CYSLTR2: variants seen among roughly 807,000 people sequenced by gnomAD.
CYSLTR2 encodes the protein G-protein coupled receptor GPCR21.
For missense variants in CYSLTR2, 398 were observed against 411.9 expected (o/e 0.97, Z 0.29); for synonymous variants, 179 against 160.8 (o/e 1.11, Z -0.86).
chr13:48,673,061 C>T (rs1316285183), intron 1 of CYSLTR2, among the ~76,000 whole-genome samples: 1 of 152,164 alleles, frequency 6.6e-6, no homozygotes, highest in East Asian at 1.9e-4. Flanking sequence ...CAATGTGGTG[C>T]TGAGAAGAAT....
At chr13:48,680,918 T>A (rs1416929786) in intron 1 of CYSLTR2, among the ~76,000 whole-genome samples, 1 of 151,298 alleles carries the variant, frequency 6.6e-6, no homozygotes, top group Admixed American at 6.6e-5. Context: ...CAAGAGAAAG[T>A]GTCGAACTAA....
chr13:48,707,246 C>T lies in CYSLTR2; in HGVS notation c.429C>T (p.Pro143=). The T allele has an allele frequency of 6.2e-7, 1 of 1,614,064 alleles. No individual in the cohort carries two copies. Among genetic ancestry groups the T allele is most frequent in the Non-Finnish European group, 8.5e-7 (1 of 1,180,032 alleles). The change falls in exon 5 of 5, where the codon CCC becomes CCT. Residue 143 remains proline (P), a synonymous_variant. Transcript: ENST00000682523. Reference sequence around the variant, plus strand: ...TGCGTTTCCTGGCAATGGTTCACCCCTTTCGGCTTCTGCATGTCACCAGCA... The same window carrying T: ...TGCGTTTCCTGGCAATGGTTCACCCTTTTCGGCTTCTGCATGTCACCAGCA... ...SVVRFLAMVH[P]FRLLHVTSIR...
chr13:48,664,237 T>C (rs916097446), intron 1 of CYSLTR2, among the ~76,000 whole-genome samples: 2 of 152,028 alleles, frequency 1.3e-5, no homozygotes, highest in African/African-American at 4.8e-5. Flanking sequence ...GTATTTTGTT[T>C]GGCATTTTTG....
chr13:48,676,061 C>T (rs1308084787), intron 1 of CYSLTR2, among the ~76,000 whole-genome samples: 2 of 152,236 alleles, frequency 1.3e-5, no homozygotes, highest in Admixed American at 6.5e-5. Flanking sequence ...ATTGGTCTTA[C>T]TGGGAGCTGC....
chr13:48,695,326 T>C (rs1181456757), intron 3 of CYSLTR2, among the ~76,000 whole-genome samples: 2 of 151,528 alleles, frequency 1.3e-5, no homozygotes, highest in Non-Finnish European at 2.9e-5. Context: ...TCTTTTTCTT[T>C]TCTTTCTCTT....
At chr13:48,679,381 T>TC (rs1313539014) in intron 1 of CYSLTR2, among the ~76,000 whole-genome samples, 1 of 152,104 alleles carries the variant, frequency 6.6e-6, no homozygotes, top group East Asian at 1.9e-4. Context: ...CCCCAGAGGT[T>TC]CTTTTTGGTC....
intron 1 of CYSLTR2, among the ~76,000 whole-genome samples, chr13:48,681,509 G>A (rs1039284030): frequency 6.6e-6 from 1 of 152,136 alleles, no homozygotes; most frequent in African/African-American, 2.4e-5. Flanking sequence ...CTTCCCCAAT[G>A]AGGTCTGCCT....
intron 1 of CYSLTR2, among the ~76,000 whole-genome samples, chr13:48,658,378 C>T (rs890754487): frequency 1.2e-4 from 19 of 152,200 alleles, no homozygotes; most frequent in African/African-American, 4.3e-4. Flanking sequence ...TCTTTCCCGC[C>T]CCCCAAAAAG....
chr13:48,685,200 G>C (rs1442792440), intron 1 of CYSLTR2, among the ~76,000 whole-genome samples: 1 of 152,212 alleles, frequency 6.6e-6, no homozygotes, highest in Non-Finnish European at 1.5e-5. Context: ...AGCAGGAGCA[G>C]TTGTCTTACA....
In CYSLTR2 at chr13:48,665,590, C is replaced by T. The variant is rs184095380; in HGVS notation, c.-266+11573C>T. On this transcript the variant is annotated intron_variant, in intron 1 of 4. Transcript: ENST00000682523. ...CTTCTTTTCTCTTTTTACAGCTTAA[C>T]CCAAAGTCTGTTTTGTCTGATATAA... 1.3e-4 allele frequency among the ~76,000 whole-genome samples: 20 copies of T among 152,098 alleles called. No homozygotes were observed. The East Asian group carries it at 3.5e-3, about 26-fold the overall frequency.
chr13:48,697,821 A>C (rs2036752549), intron 4 of CYSLTR2, among the ~76,000 whole-genome samples: 1 of 152,226 alleles, frequency 6.6e-6, no homozygotes, highest in African/African-American at 2.4e-5. Context: ...AGAAGTCCTT[A>C]AATGACCTGA....
rs149928445 is a variant in CYSLTR2 at position 48,687,262 on chromosome 13, C to A, written c.-265-3950C>A. On this transcript the variant is annotated intron_variant, in intron 1 of 4. Transcript: ENST00000682523. ...TTAGCATTCCAGGGTCTCTATCTTGCCGACGGCCTGTTGTGGGACTTCTCA... is the reference window on the plus strand; with the variant it reads ...TTAGCATTCCAGGGTCTCTATCTTGACGACGGCCTGTTGTGGGACTTCTCA... Among the ~76,000 whole-genome samples, 349 of 152,176 alleles carry A rather than the reference C, an allele frequency of 2.3e-3. 2 individuals are homozygous for A. The highest frequency in any genetic ancestry group is 7.2e-3 in the African/African-American group (300 of 41,516).
At position 48,707,646 on chromosome 13, in the gene CYSLTR2, G is replaced by C; in HGVS notation, c.829G>C (p.Gly277Arg). ...RTVHLTTWKV[G>R]LCKDRLHKAL... Reference sequence around the variant, plus strand: ...CGTCCACTTGACGACATGGAAAGTGGGTTTATGCAAAGACAGACTGCATAA... The same window carrying C: ...CGTCCACTTGACGACATGGAAAGTGCGTTTATGCAAAGACAGACTGCATAA... The change falls in exon 5 of 5, where the codon GGT (glycine) becomes CGT (arginine). Residue 277 changes from glycine (G) to arginine (R), a missense_variant. Gly to Arg is a moderately radical substitution (Grantham distance 125, BLOSUM62 -2). Transcript: ENST00000682523. The C allele has an allele frequency of 6.2e-7, 1 of 1,613,910 alleles. No individual in the cohort carries two copies. Among genetic ancestry groups the C allele is most frequent in the East Asian group, 2.2e-5 (1 of 44,872 alleles).
chr13:48,672,389 C>A (rs189849051), intron 1 of CYSLTR2, among the ~76,000 whole-genome samples: 5 of 152,218 alleles, frequency 3.3e-5, no homozygotes, highest in Admixed American at 1.3e-4. Context: ...TATATTAGAC[C>A]TGTCCTGCTT....
intron 1 of CYSLTR2, among the ~76,000 whole-genome samples, chr13:48,660,242 T>C (rs940077542): frequency 1.3e-5 from 2 of 152,162 alleles, no homozygotes; most frequent in Non-Finnish European, 2.9e-5. Context: ...CCCTGGCATG[T>C]TTGGATGCCA....
intron 1 of CYSLTR2, among the ~76,000 whole-genome samples, chr13:48,655,264 C>T (rs1289717615): frequency 6.6e-6 from 1 of 152,188 alleles, no homozygotes; most frequent in East Asian, 1.9e-4. Flanking sequence ...CCTTTTAAAA[C>T]TCTTCAAGAT....
chr13:48,662,516 T>C (rs2138816217), intron 1 of CYSLTR2, among the ~76,000 whole-genome samples: 1 of 152,336 alleles, frequency 6.6e-6, no homozygotes, highest in Admixed American at 6.5e-5. Flanking sequence ...TGCCAACATT[T>C]GTTTTTTCAT....
Position 48,707,529 on chromosome 13 carries a change from C to T in CYSLTR2, c.712C>T (p.Leu238=). The stretch of plus-strand genomic sequence containing the variant: ...AAAAGTGGAGGTCCCAGAATCGGGG[C>T]TGCGGGTTTCTCACAGGAAGGCACT... The part of the protein sequence containing the change: ...LLKVEVPESG[L]RVSHRKALTT... The change falls in exon 5 of 5, where the codon CTG becomes TTG. Residue 238 remains leucine, a synonymous_variant. Transcript: ENST00000682523. 1 of 1,608,998 alleles carries T rather than the reference C, an allele frequency of 6.2e-7. No individual in the cohort carries two copies. Among genetic ancestry groups the T allele is most frequent in the Non-Finnish European group, 8.5e-7 (1 of 1,180,000 alleles).
chr13:48,664,413 ATTC>A (rs1953208229), intron 1 of CYSLTR2, among the ~76,000 whole-genome samples: 1 of 151,938 alleles, frequency 6.6e-6, no homozygotes, highest in Non-Finnish European at 1.5e-5. Flanking sequence ...ACCGATATGA[ATTC>A]TTCTTTAAAG....
Sources: gnomAD v4.1 joint callset for allele counts (sites outside exome capture counted in the v4.1 genomes callset) on GRCh38, gnomAD v4.1.1 for gene constraint, MANE v1.5 for transcripts, NCBI Gene and HGNC (gene_info 2026-07-23, HGNC 2026-07-21) for gene names.